The following POTEE variants were observed in gnomAD, a reference collection of about 807,000 sequenced individuals.
POTEE encodes POTE ankyrin domain family member E, also known as ANKRD26-like family C member 1A.
In POTEE, 21 loss-of-function variants were observed where a neutral mutation model predicts 74.2. The observed-to-expected ratio is 0.28, with a 90% confidence interval of 0.20 to 0.41. POTEE has a LOEUF of 0.41. POTEE is among the 10% of genes least tolerant of loss of function. POTEE has a pLI of 1.00. For missense variants in POTEE, 525 were observed against 1,158.6 expected (o/e 0.45, Z 7.94); for synonymous variants, 211 against 432.8 (o/e 0.49, Z 6.36).
In POTEE at chr2:131,264,925, A is replaced by G. The variant is rs1701864083; in HGVS notation, c.*242A>G. The G allele has an allele frequency of 2.3e-5, 15 of 653,660 alleles. No homozygotes were observed. The highest frequency in any genetic ancestry group is 1.8e-4 in the South Asian group (9 of 50,238). 40.5% of individuals were successfully genotyped at this position (653,660 alleles called of 1,614,324 possible). ...TGATTGTACATTGTTCTTCTTTTCA[A>G]TAGTCATTCCAAATATTGTGAGACG... On this transcript the variant is annotated 3_prime_UTR_variant, in exon 18 of 18. Coordinates refer to ENST00000683005, the MANE Select transcript of POTEE (RefSeq NM_001083538.3).
Position 131,218,926 on chromosome 2 carries a change from A to G in POTEE, c.521+3A>G. The G allele has an allele frequency of 6.2e-7, 1 of 1,612,908 alleles. No homozygotes were observed. The highest frequency in any genetic ancestry group is 2.2e-5 in the East Asian group (1 of 44,860). On this transcript the variant is annotated splice_donor_region_variant and intron_variant, in intron 4 of 17. Transcript: ENST00000683005. ...AACAAGAAGGACAAGCAAAAGAGGT[A>G]ACCAGGCCTGGGCTGGGAGGAGGTG...
intron 4 of POTEE, among the ~76,000 whole-genome samples, chr2:131,220,676 G>A (rs1700591033): frequency 6.6e-6 from 1 of 152,088 alleles, no homozygotes; most frequent in African/African-American, 2.4e-5. Flanking sequence ...GAAGAGGAAT[G>A]AAAGGCCGGG....
chr2:131,232,938 C>G (rs1701010259), intron 9 of POTEE, among the ~76,000 whole-genome samples: 1 of 151,928 alleles, frequency 6.6e-6, no homozygotes, highest in South Asian at 2.1e-4. Flanking sequence ...CTGGCTGGGT[C>G]ACACCACATG....
At chr2:131,217,738 A>G (rs960346367) in intron 3 of POTEE, among the ~76,000 whole-genome samples, 55 bp downstream of exon 3, 10 of 149,190 alleles carry the variant, frequency 6.7e-5, no homozygotes, top group Admixed American at 6.6e-4. Flanking sequence ...GCCACCTGAG[A>G]TAAGCACGCC....
rs1327779865 is a variant in POTEE, at chr2:131,243,215, TTA to T, written c.1410-2190_1410-2189del. Reference sequence around the variant, plus strand: ...TATCTTGACATCAACGCTGTTAACCTTATGTCATCGTTTCTTAGAGTCTTTGA... The same window carrying T: ...TATCTTGACATCAACGCTGTTAACCTTGTCATCGTTTCTTAGAGTCTTTGA... On this transcript the variant is annotated intron_variant, in intron 12 of 17. Coordinates refer to ENST00000683005, the MANE Select transcript of POTEE (RefSeq NM_001083538.3). Among the ~76,000 whole-genome samples, 3 of 152,300 alleles carry T rather than the reference TTA, an allele frequency of 2.0e-5. No individual in the cohort carries two copies. In the East Asian group the frequency reaches 5.8e-4, roughly 29 times the overall value.
At position 131,217,697 on chromosome 2, in the gene POTEE, A is replaced by G. The variant is rs1191305074; in HGVS notation, c.-94+14A>G. The stretch of plus-strand genomic sequence containing the variant: ...AGACTTAAGCAGGCGCGTTGCATGC[A>G]TCGGCCAGTGTCTGTGCCACGTGCC... On this transcript the variant is annotated intron_variant, in intron 3 of 17. Transcript: ENST00000683005. Among the ~76,000 whole-genome samples the G allele has an allele frequency of 6.7e-6, 1 of 150,252 alleles. No individual in the cohort carries two copies. The highest frequency in any genetic ancestry group is 2.5e-5 in the African/African-American group (1 of 40,648).
chr2:131,220,352 T>C (rs1335928449), intron 4 of POTEE, among the ~76,000 whole-genome samples: 1 of 150,854 alleles, frequency 6.6e-6, no homozygotes. Flanking sequence ...TACAGGCGCC[T>C]GCCACCACGC....
intron 4 of POTEE, among the ~76,000 whole-genome samples, chr2:131,221,357 T>C (rs1700611128): frequency 6.6e-6 from 1 of 152,148 alleles, no homozygotes; most frequent in African/African-American, 2.4e-5. Flanking sequence ...GAGAAAAAAA[T>C]CAGTTGGTTA....
At chr2:131,223,410 TGCCCTTTCATTAATACA>T (rs1700684300) in intron 4 of POTEE, among the ~76,000 whole-genome samples, 169 bp from the exon 5 acceptor site, 1 of 149,498 alleles carries the variant, frequency 6.7e-6, no homozygotes, top group African/African-American at 2.6e-5. Context: ...TTATATAGGC[TGCCCTTTCATTAATACA>T]GCGAGCAATG....
chr2:131,237,942 A>G (rs879792698), intron 10 of POTEE, among the ~76,000 whole-genome samples: 286 of 151,944 alleles, frequency 1.9e-3, no homozygotes, highest in South Asian at 0.012. Flanking sequence ...TCCTTGGGCT[A>G]AGGTGAATTA....
At chr2:131,248,561 A>G (rs1339438680) in intron 13 of POTEE, among the ~76,000 whole-genome samples, 1 of 149,632 alleles carries the variant, frequency 6.7e-6, no homozygotes, top group Non-Finnish European at 1.5e-5. Context: ...TAATTGGATA[A>G]TCAGCATTTA....
intron 9 of POTEE, among the ~76,000 whole-genome samples, chr2:131,235,556 G>A (rs1400999741): frequency 6.6e-6 from 1 of 151,918 alleles, no homozygotes; most frequent in East Asian, 1.9e-4. Flanking sequence ...AGCATTTTGG[G>A]AGGCTGGAGC....
intron 9 of POTEE, among the ~76,000 whole-genome samples, chr2:131,234,013 C>T (rs1701047105): frequency 6.6e-6 from 1 of 151,176 alleles, no homozygotes; most frequent in South Asian, 2.1e-4. Context: ...GGATAACCAG[C>T]ATTTATAACT....
intron 8 of POTEE, chr2:131,229,777 A>G (rs1700892941): frequency 6.6e-6 from 1 of 152,182 alleles, no homozygotes. Flanking sequence ...TGTGAATCAA[A>G]GCAAAATGGG....
chr2:131,263,535 C>T lies in POTEE; in HGVS notation c.2080C>T (p.Leu694=), dbSNP rs571742663. The change falls in exon 18 of 18, where the codon CTA becomes TTA. Residue 694 remains leucine (L), a synonymous_variant. Transcript: ENST00000683005. ...KKKNDNLLKA[L]QLNELTMDDD... ...AAAGAATGATAATCTTTTAAAGGCT[C>T]TACAATTGAATGAGCTCACCATGGA... The T allele has an allele frequency of 5.6e-6, 9 of 1,605,196 alleles. No homozygotes were observed. In the African/African-American group the frequency reaches 9.4e-5, roughly 17 times the overall value.
chr2:131,233,516 T>C (rs1573718242), intron 9 of POTEE, among the ~76,000 whole-genome samples: 1 of 151,162 alleles, frequency 6.6e-6, no homozygotes, highest in East Asian at 1.9e-4. Context: ...ATCCTTGGAG[T>C]AGCATCAATG....
intron 9 of POTEE, among the ~76,000 whole-genome samples, chr2:131,232,998 A>G (rs1260613545): frequency 1.3e-5 from 2 of 152,086 alleles, no homozygotes; most frequent in African/African-American, 2.4e-5. Flanking sequence ...TTAGCTTAGA[A>G]TAATCATTTC....
At chr2:131,210,054 G>A (rs1393981944) in intron 1 of POTEE, among the ~76,000 whole-genome samples, 6 of 126,782 alleles carry the variant, frequency 4.7e-5, no homozygotes, top group Middle Eastern at 4.1e-3. Flanking sequence ...GTGTACTGCC[G>A]GTGGCGGGGG....
At chr2:131,210,375 G>C (rs1434532706) in intron 1 of POTEE, among the ~76,000 whole-genome samples, 29 of 149,702 alleles carry the variant, frequency 1.9e-4, no homozygotes, top group African/African-American at 7.0e-4. Flanking sequence ...AACTGGCACA[G>C]GGTGTGTTGG....
Sources: allele counts gnomAD v4.1 joint callset (sites outside exome capture counted in the v4.1 genomes callset), GRCh38; gene constraint gnomAD v4.1.1; transcripts MANE v1.5; gene names NCBI Gene and HGNC (gene_info 2026-07-23, HGNC 2026-07-21).